Variants in SCHIP1 observed in about 807,000 individuals in gnomAD.
SCHIP1 encodes schwannomin interacting protein 1.
A neutral mutation model predicts 29.7 loss-of-function variants in SCHIP1; 8 were observed. That is an observed-to-expected ratio of 0.27 (90% confidence interval 0.16 to 0.49). The LOEUF (loss-of-function observed/expected upper bound fraction) is 0.49. Ranked by LOEUF, SCHIP1 falls within the 20% of genes least tolerant of loss-of-function variation. SCHIP1 has a pLI of 0.99. For missense variants in SCHIP1, 193 were observed against 294.6 expected, an observed-to-expected ratio of 0.66 and a Z score of 2.52; for synonymous variants, 76 against 94.9, an observed-to-expected ratio of 0.80 and a Z score of 1.16.
chr3:159,274,223 G>C, the SCHIP1 span: 1 of 985,154 alleles, frequency 1.0e-6, no homozygotes, highest in East Asian at 1.1e-4. Context: ...TGTACAATCT[G>C]TTGCCCTTTG....
intron 2 of SCHIP1, among the ~76,000 whole-genome samples, chr3:159,882,380 C>T (rs1014119670): frequency 9.2e-5 from 14 of 152,266 alleles, no homozygotes; most frequent in African/African-American, 3.4e-4. Flanking sequence ...AACATTTATA[C>T]GTAGATACTA....
chr3:159,365,343 G>A, the SCHIP1 span, among the ~76,000 whole-genome samples: 2 of 152,078 alleles, frequency 1.3e-5, no homozygotes, highest in African/African-American at 4.8e-5. Context: ...ATTGAAACAT[G>A]CGTTTTTTTC....
At chr3:159,870,383 A>G (rs981660973) in intron 2 of SCHIP1, among the ~76,000 whole-genome samples, 4 of 151,940 alleles carry the variant, frequency 2.6e-5, no homozygotes, top group Non-Finnish European at 5.9e-5. Flanking sequence ...TCTTTATGAG[A>G]TGATGTTCCC....
rs533396507 is a variant in SCHIP1 at position 159,880,661 on chromosome 3, C to T, written c.150-5546C>T. Reference sequence around the variant, plus strand: ...ACTAGAAAGTGTGTGCCCTGGCTGACGGGGACAGCAGCTACTCAGCACCAG... The same window carrying T: ...ACTAGAAAGTGTGTGCCCTGGCTGATGGGGACAGCAGCTACTCAGCACCAG... On this transcript the variant is annotated intron_variant, in intron 2 of 6. Coordinates refer to ENST00000445224, the Ensembl canonical transcript of SCHIP1. Among the ~76,000 whole-genome samples the T allele has an allele frequency of 2.6e-5, 4 of 152,274 alleles. No homozygotes were observed. In the South Asian group the frequency reaches 6.2e-4, roughly 24 times the overall value.
chr3:159,871,429 G>T (rs1367199783), intron 2 of SCHIP1, among the ~76,000 whole-genome samples: 1 of 139,652 alleles, frequency 7.2e-6, no homozygotes, highest in Non-Finnish European at 1.6e-5. Flanking sequence ...TCTTTCTCTA[G>T]CTCTAAAATA....
chr3:159,743,712 A>T, the SCHIP1 span, among the ~76,000 whole-genome samples: 832 of 152,316 alleles, frequency 5.5e-3, 10 homozygotes, highest in African/African-American at 0.019. Flanking sequence ...GAACGGCAAC[A>T]TAATGGGTCC....
chr3:159,504,847 G>T, the SCHIP1 span, among the ~76,000 whole-genome samples: 2 of 152,118 alleles, frequency 1.3e-5, no homozygotes, highest in Non-Finnish European at 2.9e-5. Flanking sequence ...GTCCACAGGG[G>T]ACATGGGAAA....
At chr3:159,509,093 G>A in the SCHIP1 span, among the ~76,000 whole-genome samples, 3 of 152,268 alleles carry the variant, frequency 2.0e-5, no homozygotes, top group East Asian at 1.9e-4. Flanking sequence ...TTATTATTGT[G>A]TGGGAGTCTA....
the SCHIP1 span, among the ~76,000 whole-genome samples, chr3:159,606,407 C>T: frequency 6.6e-6 from 1 of 152,100 alleles, no homozygotes; most frequent in Non-Finnish European, 1.5e-5. Context: ...ACCAGTGAAA[C>T]CTTTGTCAGG....
chr3:159,555,310 T>G, the SCHIP1 span, among the ~76,000 whole-genome samples: 1 of 152,208 alleles, frequency 6.6e-6, no homozygotes, highest in Non-Finnish European at 1.5e-5. Context: ...TGAGAATTAA[T>G]TTTGTTTGCT....
At chr3:159,336,777 G>C in the SCHIP1 span, among the ~76,000 whole-genome samples, 1 of 152,172 alleles carries the variant, frequency 6.6e-6, no homozygotes, top group East Asian at 1.9e-4. Flanking sequence ...CAGATAATGT[G>C]ATGCCTCCAG....
the SCHIP1 span, among the ~76,000 whole-genome samples, chr3:159,326,757 C>T: frequency 1.3e-5 from 2 of 152,026 alleles, no homozygotes; most frequent in African/African-American, 4.8e-5. Context: ...GTGATGTGCC[C>T]CAAACTAATA....
At chr3:159,589,132 T>C in the SCHIP1 span, among the ~76,000 whole-genome samples, 2 of 152,202 alleles carry the variant, frequency 1.3e-5, no homozygotes, top group African/African-American at 4.8e-5. Context: ...GTGTCCTGTT[T>C]TATTTCGCTG....
chr3:159,577,887 G>C, the SCHIP1 span, among the ~76,000 whole-genome samples: 2 of 152,164 alleles, frequency 1.3e-5, no homozygotes, highest in African/African-American at 2.4e-5. Flanking sequence ...CTGATCATTT[G>C]AGAAAGAGGT....
At chr3:159,693,414 G>A in the SCHIP1 span, among the ~76,000 whole-genome samples, 7 of 152,250 alleles carry the variant, frequency 4.6e-5, no homozygotes, top group Middle Eastern at 0.01. Context: ...ATTCAGAGAC[G>A]ATTTTCCTGC....
the SCHIP1 span, among the ~76,000 whole-genome samples, chr3:159,317,831 G>A: frequency 1.3e-5 from 2 of 151,984 alleles, no homozygotes; most frequent in African/African-American, 4.8e-5. Flanking sequence ...AGCATTATGT[G>A]CAGGATAGGC....
At chr3:159,512,097 AG>A in the SCHIP1 span, among the ~76,000 whole-genome samples, 1 of 152,206 alleles carries the variant, frequency 6.6e-6, no homozygotes, top group Non-Finnish European at 1.5e-5. Context: ...GAACATAAAA[AG>A]AACTCTTACA....
At chr3:159,598,566 G>C in the SCHIP1 span, among the ~76,000 whole-genome samples, 1 of 152,112 alleles carries the variant, frequency 6.6e-6, no homozygotes, top group Admixed American at 6.6e-5. Context: ...GTAAGAAGTG[G>C]GCTCCCACAG....
the SCHIP1 span, among the ~76,000 whole-genome samples, chr3:159,344,461 T>A: frequency 6.6e-6 from 1 of 151,824 alleles, no homozygotes; most frequent in Non-Finnish European, 1.5e-5. Flanking sequence ...CAGCAATGAG[T>A]CATATTGGGG....
Sources: allele counts gnomAD v4.1 joint callset (sites outside exome capture counted in the v4.1 genomes callset), GRCh38; gene constraint gnomAD v4.1.1; transcripts MANE v1.5; gene names NCBI Gene and HGNC (gene_info 2026-07-23, HGNC 2026-07-21).